DCUN1D4: variants seen among roughly 807,000 people sequenced by gnomAD.
DCUN1D4 encodes DCN1-like protein 4.
A neutral mutation model predicts 47.9 loss-of-function variants in DCUN1D4; 22 were observed. That is an observed-to-expected ratio of 0.46 (90% CI 0.33 to 0.66). DCUN1D4 has a LOEUF of 0.66. Ranked by LOEUF, DCUN1D4 falls within the 30% of genes least tolerant of loss-of-function variation. The pLI, the probability that DCUN1D4 is intolerant of heterozygous loss-of-function variation, is 0.02. For missense variants in DCUN1D4, 301 were observed against 340.8 expected (o/e 0.88, Z 0.92); for synonymous variants, 121 against 112.2 (o/e 1.08, Z -0.50).
At chr4:51,859,026 A>G (rs575618568) in intron 1 of DCUN1D4, among the ~76,000 whole-genome samples, 1 of 152,276 alleles carries the variant, frequency 6.6e-6, no homozygotes, top group South Asian at 2.1e-4. Flanking sequence ...CAGGCCTAAC[A>G]TGTTTATTTC....
the DCUN1D4 span, among the ~76,000 whole-genome samples, chr4:51,834,145 C>T: frequency 1.3e-3 from 112 of 84,464 alleles, no homozygotes; most frequent in African/African-American, 8.0e-3. Context: ...AATCTGTTTG[C>T]AAGGGGTAAT....
rs13531 is a variant in DCUN1D4 at position 51,913,882 on chromosome 4, G to C, written c.*298G>C. ...TGTATATGTGTATAAAAGGAAAAAG[G>C]TTCACCTAGAGATTATTTCTGAAAA... On this transcript the variant is annotated 3_prime_UTR_variant, in exon 11 of 11. Transcript: ENST00000334635. 114,385 of 296,672 alleles carry C rather than the reference G, an allele frequency of 0.39. 27,137 individuals carry two copies. The highest frequency in any genetic ancestry group is 0.76 in the African/African-American group (35,130 of 46,168). The allele number at this position is 296,672 out of a possible 1,614,324, so 18.4% of individuals were successfully genotyped here. A position where few individuals can be genotyped will look rare whatever the true frequency, so the allele number is the denominator to read the frequency against.
At chr4:51,913,240 A>T (rs756443062) in intron 9 of DCUN1D4, 50 bp from the exon 10 acceptor site, 1 of 1,177,488 alleles carries the variant, frequency 8.5e-7, no homozygotes, top group South Asian at 1.4e-5. Context: ...AAACCGTCCC[A>T]TTTGTTCATT....
At chr4:51,834,323 T>C in the DCUN1D4 span, among the ~76,000 whole-genome samples, 5 of 151,524 alleles carry the variant, frequency 3.3e-5, no homozygotes, top group African/African-American at 1.2e-4. Context: ...CTGATTCCCT[T>C]GGGGTCTATA....
At chr4:51,862,176 C>G (rs757537664) in intron 1 of DCUN1D4, among the ~76,000 whole-genome samples, 12 of 152,196 alleles carry the variant, frequency 7.9e-5, no homozygotes, top group Non-Finnish European at 1.2e-4. Context: ...TTCTATATGG[C>G]TATGACTGTG....
In DCUN1D4 at chr4:51,891,863, G is replaced by T. The variant is rs1003690770; in HGVS notation, c.506+12G>T. The T allele has an allele frequency of 1.9e-6, 3 of 1,592,986 alleles. No homozygotes were observed. Among genetic ancestry groups the T allele is most frequent in the Non-Finnish European group, 2.6e-6 (3 of 1,167,276 alleles). ...ATGACTTCTCTCCAGTAAGTCCTAGGCTGCACTAGTGGGGGTCCCTGCCCT... is the reference window on the plus strand; with the variant it reads ...ATGACTTCTCTCCAGTAAGTCCTAGTCTGCACTAGTGGGGGTCCCTGCCCT... On this transcript the variant is annotated intron_variant, in intron 7 of 10. Transcript: ENST00000334635.
intron 4 of DCUN1D4, among the ~76,000 whole-genome samples, chr4:51,875,525 A>G (rs990383624): frequency 6.6e-6 from 1 of 152,170 alleles, no homozygotes; most frequent in African/African-American, 2.4e-5. Context: ...TACATACCAT[A>G]AAGTTCATCC....
In DCUN1D4 at chr4:51,880,180, A is replaced by G. The variant is rs544240956; in HGVS notation, c.343+2326A>G. On this transcript the variant is annotated intron_variant, in intron 5 of 10. Transcript: ENST00000334635. The stretch of plus-strand genomic sequence containing the variant: ...TCTCAACCACATAAACTGAAACTGT[A>G]GGTCAGTATTAGTCAAGAAAAATGA... 2.4e-4 allele frequency among the ~76,000 whole-genome samples: 36 copies of G among 152,318 alleles called. 1 individual carries two copies. The South Asian group carries it at 7.2e-3, about 31-fold the overall frequency.
At chr4:51,870,496 G>T (rs1726716193) in intron 3 of DCUN1D4, among the ~76,000 whole-genome samples, 1 of 151,802 alleles carries the variant, frequency 6.6e-6, no homozygotes, top group Admixed American at 6.6e-5. Flanking sequence ...TAAGTCTCTG[G>T]AAATGTACTT....
At position 51,863,409 on chromosome 4, in the gene DCUN1D4, G is replaced by A. The variant is rs544187773; in HGVS notation, c.26-28G>A. 112 of 1,528,310 alleles carry A rather than the reference G, an allele frequency of 7.3e-5. 1 individual carries two copies. In the South Asian group the frequency reaches 1.0e-3, roughly 14 times the overall value. The allele number at this position is 1,528,310 out of a possible 1,614,324, so 94.7% of individuals were successfully genotyped here. A position where few individuals can be genotyped will look rare whatever the true frequency, so the allele number is the denominator to read the frequency against. ...TTTTACAATATTGGAAATAAATGAC[G>A]CTGACATTTTTCCTTTTTCTTTTCA... On this transcript the variant is annotated intron_variant, in intron 1 of 10. Transcript: ENST00000334635.
chr4:51,893,002 G>C lies in DCUN1D4; in HGVS notation c.506+1151G>C, dbSNP rs563053936. Reference sequence around the variant, plus strand: ...AATGCTTTCGCATTGTGCTTTAGTAGTTTATGAAGACTGTTCACTATTCTC... The same window carrying C: ...AATGCTTTCGCATTGTGCTTTAGTACTTTATGAAGACTGTTCACTATTCTC... On this transcript the variant is annotated intron_variant, in intron 7 of 10. Coordinates refer to ENST00000334635, the MANE Select transcript of DCUN1D4 (RefSeq NM_001040402.3). Among the ~76,000 whole-genome samples the C allele has an allele frequency of 4.6e-5, 7 of 152,332 alleles. No homozygotes were observed. In the South Asian group the frequency reaches 1.2e-3, roughly 27 times the overall value.
chr4:51,889,685 A>G (rs1456279755), intron 6 of DCUN1D4, among the ~76,000 whole-genome samples: 2 of 152,140 alleles, frequency 1.3e-5, no homozygotes, highest in Admixed American at 6.5e-5. Flanking sequence ...CCTAGTTTGC[A>G]TTAGAAAATG....
chr4:51,867,475 C>T (rs1726143066), intron 3 of DCUN1D4, among the ~76,000 whole-genome samples: 1 of 152,172 alleles, frequency 6.6e-6, no homozygotes. Flanking sequence ...GGAGGGTAAG[C>T]AAGGTGTAGA....
At chr4:51,901,919 A>T (rs1469532770) in intron 8 of DCUN1D4, among the ~76,000 whole-genome samples, 1 of 152,142 alleles carries the variant, frequency 6.6e-6, no homozygotes, top group Non-Finnish European at 1.5e-5. Context: ...TCTAAGATAA[A>T]TTTTTTAATG....
chr4:51,839,111 A>G (rs1290882235), upstream of DCUN1D4, among the ~76,000 whole-genome samples: 1 of 147,478 alleles, frequency 6.8e-6, no homozygotes, highest in East Asian at 2.1e-4. Context: ...AGGAAGGAAG[A>G]AGGGAAGGAG....
intron 8 of DCUN1D4, among the ~76,000 whole-genome samples, chr4:51,906,748 C>A (rs544305515): frequency 3.9e-5 from 6 of 152,296 alleles, no homozygotes; most frequent in African/African-American, 1.4e-4. Flanking sequence ...CAGAGCCAGG[C>A]ATATTTGCTC....
intron 7 of DCUN1D4, among the ~76,000 whole-genome samples, chr4:51,898,544 A>G (rs1731622783): frequency 6.6e-6 from 1 of 152,376 alleles, no homozygotes; most frequent in Admixed American, 6.5e-5. Flanking sequence ...TTACTATTTC[A>G]AAGAGGAAGA....
chr4:51,866,011 T>C (rs1725845300), intron 3 of DCUN1D4, among the ~76,000 whole-genome samples: 1 of 152,122 alleles, frequency 6.6e-6, no homozygotes, highest in Admixed American at 6.6e-5. Context: ...TTTCTGCTCA[T>C]TTCAGGCTCT....
chr4:51,846,170 C>T (rs574740216), intron 1 of DCUN1D4, among the ~76,000 whole-genome samples: 9 of 152,308 alleles, frequency 5.9e-5, no homozygotes, highest in African/African-American at 2.2e-4. Context: ...TCCCCAAAGC[C>T]CTAGGCTCCT....
Sources: gnomAD v4.1 joint callset for allele counts (sites outside exome capture counted in the v4.1 genomes callset) on GRCh38, gnomAD v4.1.1 for gene constraint, MANE v1.5 for transcripts, NCBI Gene and HGNC (gene_info 2026-07-23, HGNC 2026-07-21) for gene names.